The following GRID2 variants were observed in gnomAD, a reference collection of about 807,000 sequenced individuals.
GRID2 encodes glutamate ionotropic receptor delta type subunit 2, also known as glutamate receptor ionotropic, delta-2.
In GRID2, 33 loss-of-function variants were observed where a neutral mutation model predicts 114.8. The ratio of observed to expected loss-of-function variants is 0.29; its 90% CI spans 0.22 to 0.38. GRID2 has a LOEUF of 0.38. Among genes scored for constraint, GRID2 ranks in the 10% least tolerant of loss-of-function variants. The probability of loss-of-function intolerance (pLI) is 1.00; values close to 1 mark genes in which losing one functional copy is unlikely to be tolerated. For missense variants in GRID2, 1,184 were observed against 1,257.7 expected (o/e 0.94, Z 0.89); for synonymous variants, 505 against 449.9 (o/e 1.12, Z -1.55).
At chr4:92,484,056 T>C (rs1419554047) in intron 1 of GRID2, among the ~76,000 whole-genome samples, 2 of 152,176 alleles carry the variant, frequency 1.3e-5, no homozygotes, top group African/African-American at 4.8e-5. Context: ...AATTTGTATG[T>C]TTTTATTCAC....
At chr4:92,736,208 G>A (rs140142993) in intron 2 of GRID2, among the ~76,000 whole-genome samples, 17 of 152,186 alleles carry the variant, frequency 1.1e-4, no homozygotes, top group African/African-American at 3.6e-4. Context: ...ACTGAGAACA[G>A]ATTTTGGAGT....
intron 2 of GRID2, among the ~76,000 whole-genome samples, chr4:93,023,379 A>G (rs557154681): frequency 6.6e-6 from 1 of 151,984 alleles, no homozygotes; most frequent in South Asian, 2.1e-4. Context: ...TACACAATAG[A>G]TCATGGAAGA....
chr4:92,442,919 G>A (rs28773874), intron 1 of GRID2, among the ~76,000 whole-genome samples: 24,223 of 151,906 alleles, frequency 0.16, 2,069 homozygotes, highest in South Asian at 0.21. Context: ...ACTGTAAGCC[G>A]GACCAGGTGT....
intron 2 of GRID2, among the ~76,000 whole-genome samples, chr4:92,852,441 A>G (rs766387045): frequency 1.3e-5 from 2 of 151,934 alleles, no homozygotes; most frequent in Admixed American, 6.6e-5. Context: ...ACCTTAAAAT[A>G]AACAACTCCA....
intron 2 of GRID2, among the ~76,000 whole-genome samples, chr4:92,648,065 C>T (rs1400105443): frequency 6.7e-6 from 1 of 149,590 alleles, no homozygotes; most frequent in African/African-American, 2.5e-5. Context: ...CATTTTTTAT[C>T]CTGAAATTTT....
intron 2 of GRID2, among the ~76,000 whole-genome samples, chr4:93,012,388 A>G (rs926972543): frequency 6.6e-6 from 1 of 152,008 alleles, no homozygotes; most frequent in African/African-American, 2.4e-5. Context: ...TACTATACCT[A>G]AGGTCTCTCT....
chr4:93,131,368 G>A (rs1296576529), intron 4 of GRID2, among the ~76,000 whole-genome samples: 2 of 151,298 alleles, frequency 1.3e-5, no homozygotes, highest in Non-Finnish European at 2.9e-5. Context: ...TGGCCAGGAT[G>A]GTCTCGATAT....
chr4:93,765,182 T>C (rs1733544156), intron 14 of GRID2, among the ~76,000 whole-genome samples: 1 of 152,180 alleles, frequency 6.6e-6, no homozygotes, highest in African/African-American at 2.4e-5. Context: ...AAGGAGGCCA[T>C]AGTGAGACCA....
At chr4:93,656,004 A>T (rs1722958284) in intron 14 of GRID2, among the ~76,000 whole-genome samples, 1 of 151,136 alleles carries the variant, frequency 6.6e-6, no homozygotes, top group Admixed American at 6.6e-5. Context: ...AAATGCTGAG[A>T]TACTTAAAAG....
chr4:93,756,123 T>G (rs1560977838), intron 14 of GRID2, among the ~76,000 whole-genome samples: 1 of 152,218 alleles, frequency 6.6e-6, no homozygotes, highest in Non-Finnish European at 1.5e-5. Flanking sequence ...ATATGTATCC[T>G]AGTTTTTAAA....
chr4:93,359,503 T>A (rs1183766848), intron 8 of GRID2, among the ~76,000 whole-genome samples: 1 of 151,648 alleles, frequency 6.6e-6, no homozygotes, highest in African/African-American at 2.4e-5. Context: ...CCTGTTGTGT[T>A]ATCAAATAGT....
intron 14 of GRID2, among the ~76,000 whole-genome samples, chr4:93,668,603 T>A (rs942863641): frequency 6.6e-6 from 1 of 152,052 alleles, no homozygotes; most frequent in Non-Finnish European, 1.5e-5. Context: ...GAGAAAGAAG[T>A]AGAGATATAA....
chr4:93,696,870 G>A (rs1006680519), intron 14 of GRID2, among the ~76,000 whole-genome samples: 5 of 151,900 alleles, frequency 3.3e-5, no homozygotes, highest in African/African-American at 9.7e-5. Context: ...AGTATTTTAC[G>A]CGTATTAATC....
At chr4:93,214,676 T>G (rs1400987511) in intron 5 of GRID2, among the ~76,000 whole-genome samples, 1 of 152,068 alleles carries the variant, frequency 6.6e-6, no homozygotes, top group Admixed American at 6.5e-5. Context: ...ATATTTTAGT[T>G]GTTTAGGTGC....
In GRID2 at chr4:93,614,643, G is replaced by A. The variant is rs547470401; in HGVS notation, c.2194-11626G>A. On this transcript the variant is annotated intron_variant, in intron 13 of 15. Coordinates refer to ENST00000282020, the MANE Select transcript of GRID2 (RefSeq NM_001510.4). Reference sequence around the variant, plus strand: ...CAGGGTCAATAAGTAGTAACTGATAGTAGTACTAATTAAATAATAGATGTG... The same window carrying A: ...CAGGGTCAATAAGTAGTAACTGATAATAGTACTAATTAAATAATAGATGTG... Among the ~76,000 whole-genome samples, 156 of 152,194 alleles carry A rather than the reference G, an allele frequency of 1.0e-3. 2 individuals are homozygous for A. Among genetic ancestry groups the A allele is most frequent in the African/African-American group, 3.5e-3 (144 of 41,530 alleles).
intron 2 of GRID2, among the ~76,000 whole-genome samples, chr4:92,713,834 C>A (rs1326933106): frequency 6.6e-6 from 1 of 151,946 alleles, no homozygotes. Flanking sequence ...CCCACCAGGT[C>A]CCTCCCATAA....
intron 1 of GRID2, among the ~76,000 whole-genome samples, chr4:92,534,502 T>G (rs1281004334): frequency 6.6e-6 from 1 of 152,160 alleles, no homozygotes; most frequent in African/African-American, 2.4e-5. Context: ...GTCCTGAGTT[T>G]AAATACTGAA....
chr4:92,949,233 A>G (rs1043833172), intron 2 of GRID2, among the ~76,000 whole-genome samples: 3 of 151,994 alleles, frequency 2.0e-5, no homozygotes, highest in Non-Finnish European at 4.4e-5. Context: ...GATAGATTAA[A>G]TGGAGCTAAA....
At chr4:92,583,145 TG>T in intron 1 of GRID2, among the ~76,000 whole-genome samples, 1 of 152,068 alleles carries the variant, frequency 6.6e-6, no homozygotes, top group Non-Finnish European at 1.5e-5. Context: ...ATTACTAGCT[TG>T]GGCCTAGGGA....
Sources: gnomAD v4.1 joint callset for allele counts (sites outside exome capture counted in the v4.1 genomes callset) on GRCh38, gnomAD v4.1.1 for gene constraint, MANE v1.5 for transcripts, NCBI Gene and HGNC (gene_info 2026-07-23, HGNC 2026-07-21) for gene names.